SHISA9: variants seen among roughly 807,000 people sequenced by gnomAD.
SHISA9 encodes protein shisa-9.
In SHISA9, 13 loss-of-function variants were observed where a neutral mutation model predicts 38.0. That is an observed-to-expected ratio of 0.34 (90% CI 0.22 to 0.54). The LOEUF (loss-of-function observed/expected upper bound fraction) is 0.54. Among genes scored for constraint, SHISA9 ranks in the 20% least tolerant of loss-of-function variants. The probability of loss-of-function intolerance (pLI) is 0.91; values close to 1 mark genes in which losing one functional copy is unlikely to be tolerated. For missense variants in SHISA9, 538 were observed against 575.8 expected, an observed-to-expected ratio of 0.93 and a Z score of 0.67; for synonymous variants, 275 against 242.0, an observed-to-expected ratio of 1.14 and a Z score of -1.27.
At chr16:13,006,724 AG>A (rs1383181115) in intron 2 of SHISA9, among the ~76,000 whole-genome samples, 4 of 152,190 alleles carry the variant, frequency 2.6e-5, no homozygotes, top group African/African-American at 9.7e-5. Flanking sequence ...ACAGCTGATT[AG>A]GGGGAAATAG....
chr16:13,495,085 T>C, the SHISA9 span, among the ~76,000 whole-genome samples: 2 of 152,310 alleles, frequency 1.3e-5, no homozygotes, highest in Non-Finnish European at 2.9e-5. Context: ...GGGGTGGAAA[T>C]ATAAAGGGGT....
the SHISA9 span, among the ~76,000 whole-genome samples, chr16:13,483,810 C>A: frequency 1.3e-5 from 2 of 152,116 alleles, no homozygotes; most frequent in African/African-American, 4.8e-5. Context: ...GGGTGGTCCC[C>A]AGGGAGAGCA....
chr16:13,472,540 C>T, the SHISA9 span, among the ~76,000 whole-genome samples: 3 of 151,488 alleles, frequency 2.0e-5, no homozygotes, highest in South Asian at 6.3e-4. Flanking sequence ...TACAGGCACC[C>T]GCCACCAAGC....
the SHISA9 span, among the ~76,000 whole-genome samples, chr16:13,557,605 A>G: frequency 6.6e-6 from 1 of 152,184 alleles, no homozygotes; most frequent in Non-Finnish European, 1.5e-5. Flanking sequence ...ATTTATAGCC[A>G]CTTCTCAGGA....
intron 2 of SHISA9, among the ~76,000 whole-genome samples, chr16:12,974,887 A>G (rs961479343): frequency 1.3e-5 from 2 of 152,108 alleles, no homozygotes; most frequent in Non-Finnish European, 2.9e-5. Flanking sequence ...ATTTATCTGC[A>G]TTTACATCTA....
At chr16:13,060,637 CAAAAA>C (rs5815739) in intron 2 of SHISA9, among the ~76,000 whole-genome samples, 2 of 86,564 alleles carry the variant, frequency 2.3e-5, no homozygotes, top group African/African-American at 4.7e-5. Context: ...GACCCCATCT[CAAAAA>C]AAAAAAAAAA....
At chr16:13,227,245 G>A (rs2051288259) in intron 4 of SHISA9, among the ~76,000 whole-genome samples, 1 of 152,224 alleles carries the variant, frequency 6.6e-6, no homozygotes. Flanking sequence ...CTCGAAGACT[G>A]CAGCATGGAG....
chr16:13,258,259 T>C, the SHISA9 span: 2 of 152,218 alleles, frequency 1.3e-5, no homozygotes, highest in Admixed American at 1.3e-4. Context: ...GTATAAAAAA[T>C]TCTTAGACAG....
the SHISA9 span, among the ~76,000 whole-genome samples, chr16:13,250,624 T>C: frequency 6.6e-6 from 1 of 152,122 alleles, no homozygotes; most frequent in Non-Finnish European, 1.5e-5. Flanking sequence ...CCCCATTGTG[T>C]CTTACTCTGG....
At chr16:13,258,641 G>A in the SHISA9 span, among the ~76,000 whole-genome samples, 14 of 152,326 alleles carry the variant, frequency 9.2e-5, no homozygotes, top group South Asian at 1.9e-3. Context: ...TGAGGCTGGA[G>A]GCGAGGCCTC....
chr16:13,251,753 A>G, the SHISA9 span, among the ~76,000 whole-genome samples: 4 of 152,164 alleles, frequency 2.6e-5, no homozygotes, highest in Admixed American at 2.6e-4. Context: ...TGCACACAGT[A>G]CCTTGCTCAA....
chr16:13,415,396 G>A, the SHISA9 span, among the ~76,000 whole-genome samples: 1 of 152,170 alleles, frequency 6.6e-6, no homozygotes, highest in Non-Finnish European at 1.5e-5. Context: ...AGAACACATG[G>A]ACACATGGAG....
At chr16:13,349,724 T>A in the SHISA9 span, among the ~76,000 whole-genome samples, 1 of 152,220 alleles carries the variant, frequency 6.6e-6, no homozygotes, top group Non-Finnish European at 1.5e-5. Flanking sequence ...ATTAAATCAG[T>A]GATGTGTCTT....
chr16:13,420,878 C>T, the SHISA9 span, among the ~76,000 whole-genome samples: 1 of 152,300 alleles, frequency 6.6e-6, no homozygotes, highest in East Asian at 1.9e-4. Context: ...ATGAAATCCT[C>T]TCACGTAGAC....
At chr16:13,149,946 GA>G (rs1377059964) in intron 2 of SHISA9, among the ~76,000 whole-genome samples, 16 of 117,070 alleles carry the variant, frequency 1.4e-4, no homozygotes, top group South Asian at 2.8e-4. Context: ...AAAAAAAAAG[GA>G]AAAAAAAAGA....
the SHISA9 span, among the ~76,000 whole-genome samples, chr16:13,391,977 GT>G: frequency 6.6e-6 from 1 of 152,142 alleles, no homozygotes; most frequent in Non-Finnish European, 1.5e-5. Context: ...GTGTCTGATG[GT>G]CCCGGTTTGC....
intron 4 of SHISA9, among the ~76,000 whole-genome samples, chr16:13,220,564 G>T (rs973726671): frequency 6.6e-6 from 1 of 152,158 alleles, no homozygotes; most frequent in Non-Finnish European, 1.5e-5. Context: ...GTAGGGCTTA[G>T]AATTCTTTCC....
chr16:12,954,178 A>G (rs548259542), intron 2 of SHISA9, among the ~76,000 whole-genome samples: 101 of 152,358 alleles, frequency 6.6e-4, no homozygotes, highest in Middle Eastern at 3.4e-3. Flanking sequence ...AATAGGCCTC[A>G]GGAAGGGCAT....
At chr16:12,938,018 A>G (rs947582492) in intron 2 of SHISA9, among the ~76,000 whole-genome samples, 14 of 152,198 alleles carry the variant, frequency 9.2e-5, no homozygotes, top group African/African-American at 3.4e-4. Flanking sequence ...ACCCTTGAGG[A>G]GCATACAGAG....
Sources: allele counts gnomAD v4.1 joint callset (sites outside exome capture counted in the v4.1 genomes callset), GRCh38; gene constraint gnomAD v4.1.1; transcripts MANE v1.5; gene names NCBI Gene and HGNC (gene_info 2026-07-23, HGNC 2026-07-21).